The following THSD7B variants were observed in gnomAD, a reference collection of about 807,000 sequenced individuals.
THSD7B encodes the protein thrombospondin type 1 domain containing 7B.
In THSD7B, 138 loss-of-function variants were observed where a neutral mutation model predicts 213.6. The ratio of observed to expected loss-of-function variants is 0.65; its 90% CI spans 0.56 to 0.74. The LOEUF is 0.74. Ranked by LOEUF, THSD7B falls within the 30% of genes least tolerant of loss-of-function variation. The pLI is 0.00. For synonymous variants in THSD7B, 742 were observed against 687.0 expected, an observed-to-expected ratio of 1.08 and a Z score of -1.25; for missense variants, 1,931 against 1,991.5, an observed-to-expected ratio of 0.97 and a Z score of 0.58.
At chr2:136,960,626 C>T (rs888084645) in intron 2 of THSD7B, among the ~76,000 whole-genome samples, 9 of 152,214 alleles carry the variant, frequency 5.9e-5, no homozygotes, top group African/African-American at 1.4e-4. Context: ...CAAACAATAG[C>T]GTTAACATGT....
At chr2:137,139,032 A>AT (rs1335329794) in intron 5 of THSD7B, among the ~76,000 whole-genome samples, 1 of 151,754 alleles carries the variant, frequency 6.6e-6, no homozygotes, top group Non-Finnish European at 1.5e-5. Flanking sequence ...CCATTATTGA[A>AT]TTTTTTCTGT....
At chr2:137,495,192 A>G (rs1437530086) in intron 15 of THSD7B, among the ~76,000 whole-genome samples, 2 of 152,184 alleles carry the variant, frequency 1.3e-5, no homozygotes, top group African/African-American at 4.8e-5. Context: ...ATGAAAATGC[A>G]TAATAACTTT....
At chr2:137,508,034 C>T (rs886468025) in intron 15 of THSD7B, among the ~76,000 whole-genome samples, 7 of 152,120 alleles carry the variant, frequency 4.6e-5, no homozygotes, top group Admixed American at 1.3e-4. Flanking sequence ...ATCTACTTCA[C>T]ATGGTTCTTG....
intron 12 of THSD7B, among the ~76,000 whole-genome samples, chr2:137,302,172 A>C (rs1301024526): frequency 6.6e-6 from 1 of 152,122 alleles, no homozygotes; most frequent in Non-Finnish European, 1.5e-5. Flanking sequence ...GGTCATCATC[A>C]CATAGTTGAT....
At chr2:137,618,264 C>A in intron 18 of THSD7B, 128 bp from the exon 19 acceptor site, 1 of 700,622 alleles carries the variant, frequency 1.4e-6, no homozygotes, top group Non-Finnish European at 2.3e-6. Context: ...ATTCCCAAAG[C>A]TACCTGGAAA....
At chr2:137,100,046 C>T (rs1484782915) in intron 4 of THSD7B, among the ~76,000 whole-genome samples, 1 of 152,104 alleles carries the variant, frequency 6.6e-6, no homozygotes, top group East Asian at 1.9e-4. Flanking sequence ...CCCCTGAGAC[C>T]AGCCTTGTTC....
At chr2:136,888,961 G>GTGTGTT (rs2104997903) in intron 2 of THSD7B, among the ~76,000 whole-genome samples, 1 of 152,032 alleles carries the variant, frequency 6.6e-6, no homozygotes, top group African/African-American at 2.4e-5. Context: ...GTGTGTGTGT[G>GTGTGTT]TGTGTGTGCT....
intron 12 of THSD7B, among the ~76,000 whole-genome samples, chr2:137,363,055 T>A (rs1685307134): frequency 6.6e-6 from 1 of 152,104 alleles, no homozygotes; most frequent in African/African-American, 2.4e-5. Context: ...CACAGTGCAA[T>A]CAAATTAGAA....
intron 15 of THSD7B, among the ~76,000 whole-genome samples, chr2:137,526,471 G>T (rs1573685726): frequency 6.6e-6 from 1 of 152,014 alleles, no homozygotes; most frequent in Admixed American, 6.6e-5. Context: ...ACCTAGGCTG[G>T]AGTGCAGTGG....
intron 2 of THSD7B, among the ~76,000 whole-genome samples, chr2:137,053,580 A>G (rs1359303265): frequency 6.6e-6 from 1 of 152,124 alleles, no homozygotes; most frequent in Non-Finnish European, 1.5e-5. Flanking sequence ...TTATAATAAA[A>G]AAAAAAAGAG....
chr2:136,862,779 A>C (rs1683274825), intron 1 of THSD7B, among the ~76,000 whole-genome samples: 1 of 152,186 alleles, frequency 6.6e-6, no homozygotes, highest in African/African-American at 2.4e-5. Flanking sequence ...CTTCCTCCTG[A>C]ATATGAGCAG....
intron 1 of THSD7B, among the ~76,000 whole-genome samples, chr2:136,854,609 C>T (rs1336203134): frequency 1.3e-5 from 2 of 151,786 alleles, no homozygotes; most frequent in Non-Finnish European, 2.9e-5. Context: ...TCTATGCACA[C>T]TCTTTTTGCT....
At chr2:137,579,169 G>C (rs941671423) in intron 17 of THSD7B, among the ~76,000 whole-genome samples, 6 of 152,264 alleles carry the variant, frequency 3.9e-5, no homozygotes, top group Non-Finnish European at 8.8e-5. Context: ...GTAGCACCAT[G>C]CTTAATTGTG....
chr2:137,153,993 T>G (rs1468782404), intron 5 of THSD7B, among the ~76,000 whole-genome samples: 1 of 152,184 alleles, frequency 6.6e-6, no homozygotes, highest in African/African-American at 2.4e-5. Context: ...TTACAGTGCC[T>G]TCATTTGATT....
chr2:137,243,045 T>C (rs1231008506), intron 10 of THSD7B, among the ~76,000 whole-genome samples: 1 of 152,192 alleles, frequency 6.6e-6, no homozygotes, highest in Non-Finnish European at 1.5e-5. Context: ...AGTACAGAAA[T>C]TGGCAATATA....
chr2:137,571,442 A>G (rs905879106), intron 16 of THSD7B, among the ~76,000 whole-genome samples: 3 of 152,178 alleles, frequency 2.0e-5, no homozygotes, highest in African/African-American at 2.4e-5. Context: ...ATGCATTTCT[A>G]TAGAAATATA....
chr2:137,019,512 T>C (rs1037195997), intron 2 of THSD7B, among the ~76,000 whole-genome samples: 3 of 152,206 alleles, frequency 2.0e-5, no homozygotes, highest in Non-Finnish European at 2.9e-5. Context: ...TTGAACACTC[T>C]GTGGACTTTT....
At chr2:136,911,238 C>T (rs959413260) in intron 2 of THSD7B, among the ~76,000 whole-genome samples, 1 of 152,154 alleles carries the variant, frequency 6.6e-6, no homozygotes, top group African/African-American at 2.4e-5. Flanking sequence ...TTTGTAACCA[C>T]TGAGAACATT....
intron 5 of THSD7B, among the ~76,000 whole-genome samples, chr2:137,139,976 G>C (rs1242651782): frequency 6.6e-6 from 1 of 151,892 alleles, no homozygotes. Context: ...ATTCATAAAG[G>C]AAATGTGTTA....
Sources: gnomAD v4.1 joint callset for allele counts (sites outside exome capture counted in the v4.1 genomes callset) on GRCh38, gnomAD v4.1.1 for gene constraint, MANE v1.5 for transcripts, NCBI Gene and HGNC (gene_info 2026-07-23, HGNC 2026-07-21) for gene names.